Variants in VWF observed in about 807,000 individuals in gnomAD.
VWF encodes von Willebrand factor, also known as Factor VIII related antigen.
A neutral mutation model predicts 308.6 loss-of-function variants in VWF; 176 were observed. The observed-to-expected ratio is 0.57, with a 90% CI of 0.50 to 0.65. The LOEUF (loss-of-function observed/expected upper bound fraction) is 0.65. Among genes scored for constraint, VWF ranks in the 30% least tolerant of loss-of-function variants. The probability of loss-of-function intolerance (pLI) is 0.00; values close to 1 mark genes in which losing one functional copy is unlikely to be tolerated. For missense variants in VWF, 3,146 were observed against 3,648.2 expected (o/e 0.86, Z 3.55); for synonymous variants, 1,385 against 1,443.4 (o/e 0.96, Z 0.92).
chr12:6,079,870 C>G (rs1305618798), intron 6 of VWF, among the ~76,000 whole-genome samples: 1 of 152,120 alleles, frequency 6.6e-6, no homozygotes, highest in Non-Finnish European at 1.5e-5. Flanking sequence ...TGATCTGACC[C>G]CAGCCTGGCT....
chr12:5,957,934 T>C (rs1426977582), intron 47 of VWF, among the ~76,000 whole-genome samples: 1 of 152,184 alleles, frequency 6.6e-6, no homozygotes, highest in Non-Finnish European at 1.5e-5. Flanking sequence ...TTCTCTCTTC[T>C]TATGTAGAAG....
At chr12:5,979,131 A>T (rs1013628654) in intron 42 of VWF, among the ~76,000 whole-genome samples, 1 of 152,254 alleles carries the variant, frequency 6.6e-6, no homozygotes, top group East Asian at 1.9e-4. Context: ...GCTGTCCTTG[A>T]CAGTTGCTAG....
At chr12:6,031,128 C>T (rs923876630) in intron 21 of VWF, among the ~76,000 whole-genome samples, 14 of 152,054 alleles carry the variant, frequency 9.2e-5, no homozygotes, top group African/African-American at 1.5e-4. Context: ...CAAAGAAACC[C>T]GGCTACCCTC....
At chr12:6,069,697 G>C (rs1013701715) in intron 10 of VWF, among the ~76,000 whole-genome samples, 1 of 152,224 alleles carries the variant, frequency 6.6e-6, no homozygotes, top group African/African-American at 2.4e-5. Context: ...AGAGAAGAGC[G>C]TAGTGGTTTT....
intron 5 of VWF, among the ~76,000 whole-genome samples, chr12:6,104,048 C>T (rs1217988047): frequency 2.0e-5 from 3 of 152,062 alleles, no homozygotes; most frequent in African/African-American, 7.2e-5. Flanking sequence ...CCAGAATACA[C>T]AAGGAACTCA....
At position 5,949,004 on chromosome 12, in the gene VWF, C is replaced by A; in HGVS notation, c.*11G>T. ...CAGGCAGCAGCAGGCACCCATGCAG[C>A]TGCAGCAGCCTCACTTGCTGCACTT... On this transcript the variant is annotated 3_prime_UTR_variant, in exon 52 of 52. Coordinates refer to ENST00000261405, the MANE Select transcript of VWF (RefSeq NM_000552.5). 2.5e-6 allele frequency: 4 copies of A among 1,609,696 alleles called. No homozygotes were observed. Among genetic ancestry groups the A allele is most frequent in the Non-Finnish European group, 3.4e-6 (4 of 1,178,324 alleles).
At chr12:6,124,347 C>G (rs1025821834) in intron 1 of VWF, 74 bp downstream of exon 1, 1 of 152,406 alleles carries the variant, frequency 6.6e-6, no homozygotes, top group Non-Finnish European at 1.5e-5. Context: ...AACTCCAGCT[C>G]CCCAGGAGCA....
chr12:5,991,194 CACACACACACACGCAT>C lies in VWF; in HGVS notation c.6798+609_6798+624del, dbSNP rs1375274203. Among the ~76,000 whole-genome samples the C allele has an allele frequency of 1.2e-4, 17 of 138,436 alleles. No individual in the cohort carries two copies. The East Asian group carries it at 1.2e-3, about 10-fold the overall frequency. The allele number at this position is 138,436 out of a possible 152,430, so 90.8% of individuals were successfully genotyped here. Reference sequence around the variant, plus strand: ...ACACACACACACACACACACACACACACACACACACACGCATGCACACACACGCTCCATGATCAAAT... The same window carrying C: ...ACACACACACACACACACACACACACGCACACACACGCTCCATGATCAAAT... On this transcript the variant is annotated intron_variant, in intron 38 of 51. Transcript: ENST00000261405.
At chr12:6,103,344 A>G (rs144003097) in intron 5 of VWF, among the ~76,000 whole-genome samples, 6,262 of 134,658 alleles carry the variant, frequency 0.047, 407 homozygotes, top group African/African-American at 0.12. Context: ...ATATATATAT[A>G]TGTGTGTATA....
Position 6,040,649 on chromosome 12 carries a change from A to G in VWF, c.2442+3642T>C, listed in dbSNP as rs533834749. On this transcript the variant is annotated intron_variant, in intron 18 of 51. Transcript: ENST00000261405. ...CCTGGAAGTGTGAGGTTCCGATACC[A>G]TGCCGTTTCCAGGCGGTTTCTCTGC... Among the ~76,000 whole-genome samples the G allele has an allele frequency of 6.2e-4, 95 of 152,336 alleles. 2 individuals carry two copies. Among genetic ancestry groups the G allele is most frequent in the African/African-American group, 2.3e-3 (94 of 41,582 alleles).
At chr12:6,039,877 G>A (rs533532085) in intron 18 of VWF, among the ~76,000 whole-genome samples, 1 of 152,224 alleles carries the variant, frequency 6.6e-6, no homozygotes, top group South Asian at 2.1e-4. Context: ...GCCACCAAGA[G>A]GCTCCTAATA....
intron 6 of VWF, among the ~76,000 whole-genome samples, chr12:6,085,286 CTG>C (rs1944956061): frequency 6.6e-6 from 1 of 152,242 alleles, no homozygotes; most frequent in Non-Finnish European, 1.5e-5. Context: ...AGCATCAGCT[CTG>C]TGACAGGAGC....
intron 47 of VWF, among the ~76,000 whole-genome samples, chr12:5,954,607 G>A (rs1943227946): frequency 6.6e-6 from 1 of 151,526 alleles, no homozygotes; most frequent in South Asian, 2.1e-4. Context: ...GGAAACTAAA[G>A]GGAAAATGTC....
intron 3 of VWF, among the ~76,000 whole-genome samples, chr12:6,117,729 C>T (rs811625): frequency 1.3e-5 from 2 of 152,142 alleles, no homozygotes; most frequent in African/African-American, 2.4e-5. Flanking sequence ...GCAGGAGAAT[C>T]GCTTGAACCT....
chr12:6,035,731 C>T (rs216322), intron 19 of VWF, among the ~76,000 whole-genome samples: 101,288 of 152,084 alleles, frequency 0.67, 33,883 homozygotes, highest in East Asian at 0.79. Flanking sequence ...GGCCCAAATG[C>T]AATGACTGGT....
chr12:6,037,568 C>G (rs1278281061), intron 18 of VWF, among the ~76,000 whole-genome samples: 1 of 152,214 alleles, frequency 6.6e-6, no homozygotes, highest in African/African-American at 2.4e-5. Flanking sequence ...AAGAGTCAGC[C>G]AAACCCACTC....
Position 6,103,495 on chromosome 12 carries a change from T to TAC in VWF, c.532+6877_532+6878dup, listed in dbSNP as rs540437486. ...ATGTGTGTATATACATATATGTGTA[T>TAC]ACACACACGTATATATATACACACA... On this transcript the variant is annotated intron_variant, in intron 5 of 51. Transcript: ENST00000261405. Among the ~76,000 whole-genome samples, 3 of 135,754 alleles carry TAC rather than the reference T, an allele frequency of 2.2e-5. No homozygotes were observed. The East Asian group carries it at 6.1e-4, about 28-fold the overall frequency. 89.1% of individuals were successfully genotyped at this position (135,754 alleles called of 152,430 possible).
intron 37 of VWF, among the ~76,000 whole-genome samples, chr12:5,992,471 T>C (rs1287875849): frequency 2.6e-5 from 4 of 152,310 alleles, no homozygotes; most frequent in Middle Eastern, 3.4e-3. Flanking sequence ...AGAATCCAGT[T>C]TGAGGCCCAG....
At chr12:6,036,243 A>G (rs1041254593) in intron 19 of VWF, 145 bp downstream of exon 19, 46 of 717,412 alleles carry the variant, frequency 6.4e-5, no homozygotes, top group Non-Finnish European at 1.0e-4. Context: ...TTACAGATGG[A>G]GAAACACAGG....
Sources: gnomAD v4.1 joint callset for allele counts (sites outside exome capture counted in the v4.1 genomes callset) on GRCh38, gnomAD v4.1.1 for gene constraint, MANE v1.5 for transcripts, NCBI Gene and HGNC (gene_info 2026-07-23, HGNC 2026-07-21) for gene names.